Variants in SORCS3 observed in about 807,000 individuals in gnomAD.
SORCS3 encodes sortilin related VPS10 domain containing receptor 3.
Under a neutral mutation model 146.3 loss-of-function variants are expected in SORCS3, and 57 were observed. The ratio of observed to expected loss-of-function variants is 0.39; its 90% CI spans 0.31 to 0.49. The LOEUF (loss-of-function observed/expected upper bound fraction) is 0.49, where lower values mean the gene tolerates loss of function less well. SORCS3 is among the 20% of genes least tolerant of loss of function. The probability of loss-of-function intolerance (pLI) is 0.92; values close to 1 mark genes in which losing one functional copy is unlikely to be tolerated. For synonymous variants in SORCS3, 653 were observed against 618.5 expected, an observed-to-expected ratio of 1.06 and a Z score of -0.83; for missense variants, 1,341 against 1,575.5, an observed-to-expected ratio of 0.85 and a Z score of 2.52.
intron 1 of SORCS3, among the ~76,000 whole-genome samples, chr10:104,752,802 A>G (rs1409746239): frequency 1.3e-5 from 2 of 152,166 alleles, no homozygotes; most frequent in African/African-American, 4.8e-5. Context: ...TGAGGTTCTG[A>G]TAGTTACTAT....
chr10:104,702,346 C>T (rs558233430), intron 1 of SORCS3, among the ~76,000 whole-genome samples: 5 of 152,150 alleles, frequency 3.3e-5, no homozygotes, highest in East Asian at 3.9e-4. Flanking sequence ...TTCAGTGGCA[C>T]GATTTCAGCT....
chr10:105,098,433 C>T (rs791117), intron 6 of SORCS3, among the ~76,000 whole-genome samples: 24,150 of 152,148 alleles, frequency 0.16, 2,111 homozygotes, highest in Middle Eastern at 0.2. Context: ...GTCACATAGA[C>T]GGCTAGTGAC....
chr10:105,038,066 A>C (rs1042444312), intron 4 of SORCS3, among the ~76,000 whole-genome samples: 1 of 152,088 alleles, frequency 6.6e-6, no homozygotes, highest in Admixed American at 6.6e-5. Context: ...GTTGCTGCTG[A>C]ATTTGTGCTT....
chr10:104,720,762 C>T (rs1462105241), intron 1 of SORCS3, among the ~76,000 whole-genome samples: 1 of 152,244 alleles, frequency 6.6e-6, no homozygotes, highest in African/African-American at 2.4e-5. Flanking sequence ...CTGTTGGCTG[C>T]ATAAATGTCT....
At chr10:104,732,743 A>G (rs1293141797) in intron 1 of SORCS3, among the ~76,000 whole-genome samples, 1 of 152,236 alleles carries the variant, frequency 6.6e-6, no homozygotes, top group Non-Finnish European at 1.5e-5. Context: ...GCTAACAGGC[A>G]GGGATGGGAA....
At chr10:105,161,423 G>A (rs1346575632) in intron 11 of SORCS3, among the ~76,000 whole-genome samples, 1 of 152,040 alleles carries the variant, frequency 6.6e-6, no homozygotes, top group East Asian at 1.9e-4. Context: ...TGCCCTTCAG[G>A]TGTCAGTCAC....
intron 1 of SORCS3, among the ~76,000 whole-genome samples, chr10:104,739,783 C>T (rs377221871): frequency 6.6e-6 from 1 of 152,186 alleles, no homozygotes; most frequent in Non-Finnish European, 1.5e-5. Flanking sequence ...CCTTCTATAC[C>T]CATTTCACCT....
intron 1 of SORCS3, among the ~76,000 whole-genome samples, chr10:104,837,855 G>A (rs1228897833): frequency 6.6e-6 from 1 of 152,164 alleles, no homozygotes; most frequent in Non-Finnish European, 1.5e-5. Flanking sequence ...TTGCACGGAA[G>A]CCCACATAAA....
rs554186638 is a variant in SORCS3 at position 104,861,626 on chromosome 10, G to A, written c.695+18767G>A. On this transcript the variant is annotated intron_variant, in intron 2 of 26. Transcript: ENST00000369701. ...AGCCTACTTCTTTGGTGCTTGCCCCGGTGTGGAGGCAGCTTCTGATCAAGT... is the reference window on the plus strand; with the variant it reads ...AGCCTACTTCTTTGGTGCTTGCCCCAGTGTGGAGGCAGCTTCTGATCAAGT... 4.3e-4 allele frequency among the ~76,000 whole-genome samples: 66 copies of A among 152,236 alleles called. 1 individual carries two copies. The highest frequency in any genetic ancestry group is 1.5e-3 in the African/African-American group (64 of 41,536).
intron 20 of SORCS3, among the ~76,000 whole-genome samples, chr10:105,240,299 G>C (rs547777360): frequency 5.3e-5 from 8 of 152,320 alleles, no homozygotes; most frequent in African/African-American, 1.7e-4. Context: ...ATGCTACTGA[G>C]AGCTGAAGAA....
At chr10:105,096,647 G>A (rs1055803346) in intron 6 of SORCS3, among the ~76,000 whole-genome samples, 3 of 152,138 alleles carry the variant, frequency 2.0e-5, no homozygotes, top group Non-Finnish European at 2.9e-5. Context: ...AGAGGCCATA[G>A]CTAAGCCTCA....
chr10:104,903,166 A>G (rs1008108804), intron 2 of SORCS3, among the ~76,000 whole-genome samples: 1 of 152,222 alleles, frequency 6.6e-6, no homozygotes, highest in African/African-American at 2.4e-5. Context: ...TTTTTATGAC[A>G]GAGATAAAAT....
At chr10:105,207,289 T>TATTATC (rs1289441752) in intron 16 of SORCS3, among the ~76,000 whole-genome samples, 1 of 150,214 alleles carries the variant, frequency 6.7e-6, no homozygotes, top group African/African-American at 2.4e-5. Context: ...TTATTATTAT[T>TATTATC]ATTATTATTA....
intron 5 of SORCS3, among the ~76,000 whole-genome samples, chr10:105,080,478 C>T (rs1405083776): frequency 6.6e-6 from 1 of 152,042 alleles, no homozygotes; most frequent in Non-Finnish European, 1.5e-5. Flanking sequence ...TATTTTCTCC[C>T]ATTCTGTAGG....
chr10:104,927,877 G>GA (rs373654229), intron 3 of SORCS3, among the ~76,000 whole-genome samples: 256 of 141,266 alleles, frequency 1.8e-3, no homozygotes, highest in South Asian at 2.5e-3. Context: ...GACTCCGTCT[G>GA]AAAAAAAAAA....
chr10:105,145,137 T>G (rs540086765), intron 8 of SORCS3, among the ~76,000 whole-genome samples: 12 of 152,154 alleles, frequency 7.9e-5, no homozygotes, highest in African/African-American at 2.9e-4. Context: ...TTAGCACAAG[T>G]CTGCATGCTA....
intron 1 of SORCS3, among the ~76,000 whole-genome samples, chr10:104,762,050 C>T (rs1321098625): frequency 1.3e-5 from 2 of 152,192 alleles, no homozygotes; most frequent in East Asian, 1.9e-4. Context: ...CTCTTAAGCA[C>T]GTGCAGTCCC....
chr10:105,003,074 A>T (rs2055071674), intron 4 of SORCS3, among the ~76,000 whole-genome samples: 1 of 152,192 alleles, frequency 6.6e-6, no homozygotes, highest in Admixed American at 6.5e-5. Context: ...AAACCCTGAC[A>T]GCTGGGATCT....
At chr10:104,959,076 G>A (rs1454389638) in intron 3 of SORCS3, among the ~76,000 whole-genome samples, 1 of 152,086 alleles carries the variant, frequency 6.6e-6, no homozygotes, top group Non-Finnish European at 1.5e-5. Flanking sequence ...AAGGAAAACA[G>A]CCCTGCAGAC....
Sources: allele counts gnomAD v4.1 joint callset (sites outside exome capture counted in the v4.1 genomes callset), GRCh38; gene constraint gnomAD v4.1.1; transcripts MANE v1.5; gene names NCBI Gene and HGNC (gene_info 2026-07-23, HGNC 2026-07-21).